Variants in RXRA observed in about 807,000 individuals in gnomAD.
RXRA encodes retinoid X receptor alpha, also known as retinoic acid receptor RXR-alpha.
A neutral mutation model predicts 44.5 loss-of-function variants in RXRA; 5 were observed. The observed-to-expected ratio is 0.11, with a 90% CI of 0.06 to 0.24. The LOEUF (loss-of-function observed/expected upper bound fraction) is 0.24, where lower values mean the gene tolerates loss of function less well. RXRA is among the 10% of genes least tolerant of loss of function. The probability of loss-of-function intolerance (pLI) is 1.00; values close to 1 mark genes in which losing one functional copy is unlikely to be tolerated. For synonymous variants in RXRA, 291 were observed against 271.4 expected (o/e 1.07, Z -0.71); for missense variants, 412 against 646.5 (o/e 0.64, Z 3.93).
chr9:134,389,265 C>T (rs980687668), intron 1 of RXRA, among the ~76,000 whole-genome samples: 1 of 152,202 alleles, frequency 6.6e-6, no homozygotes, highest in Admixed American at 6.5e-5. Flanking sequence ...GCTGGGTTCC[C>T]TGCACACGTG....
At chr9:134,401,106 T>C (rs997654689) in intron 1 of RXRA, among the ~76,000 whole-genome samples, 5 of 152,220 alleles carry the variant, frequency 3.3e-5, no homozygotes, top group Non-Finnish European at 5.9e-5. Context: ...AGAATCATGG[T>C]GCTCACTGCT....
At chr9:134,331,996 G>C (rs2119010224) in intron 1 of RXRA, among the ~76,000 whole-genome samples, 1 of 152,354 alleles carries the variant, frequency 6.6e-6, no homozygotes, top group African/African-American at 2.4e-5. Context: ...GGGGACCCTG[G>C]TGGAGGGCTG....
chr9:134,420,605 A>C (rs984843347), intron 5 of RXRA, among the ~76,000 whole-genome samples: 5 of 152,192 alleles, frequency 3.3e-5, no homozygotes, highest in African/African-American at 9.6e-5. Context: ...GTCTCTGATG[A>C]GCAGATGGTT....
In RXRA at chr9:134,360,578, G is replaced by C. The variant is rs558472313; in HGVS notation, c.28+33919G>C. Among the ~76,000 whole-genome samples the C allele has an allele frequency of 9.2e-5, 14 of 152,386 alleles. No homozygotes were observed. The South Asian group carries it at 2.9e-3, about 32-fold the overall frequency. On this transcript the variant is annotated intron_variant, in intron 1 of 9. Transcript: ENST00000481739. The stretch of plus-strand genomic sequence containing the variant: ...CGGCGCACTTGTGTGCAGGTCGCTC[G>C]CGGTTACCTGCCGCTTGCTGGTCTG...
At chr9:134,430,871 C>T (rs542230540) in intron 7 of RXRA, among the ~76,000 whole-genome samples, 13 of 152,302 alleles carry the variant, frequency 8.5e-5, no homozygotes, top group East Asian at 3.9e-4. Flanking sequence ...GCCTTTTTTG[C>T]GAGTGGAATG....
intron 1 of RXRA, among the ~76,000 whole-genome samples, chr9:134,367,761 C>T (rs1374525805): frequency 6.6e-6 from 1 of 152,162 alleles, no homozygotes. Flanking sequence ...TGGGGGGTGC[C>T]GGGGTGTCTT....
chr9:134,377,573 C>T (rs1464861158), intron 1 of RXRA, among the ~76,000 whole-genome samples: 11 of 152,188 alleles, frequency 7.2e-5, no homozygotes, highest in East Asian at 3.8e-4. Context: ...CCCCAGCTCC[C>T]GCGACCCCTC....
At chr9:134,394,184 GA>G (rs139798441) in intron 1 of RXRA, among the ~76,000 whole-genome samples, 778 of 818 alleles carry the variant, frequency 0.95, 381 homozygotes, top group Middle Eastern at 1. Context: ...TGGTGATGAT[GA>G]CTGATGATGT....
At chr9:134,394,722 C>G (rs1830853233) in intron 1 of RXRA, among the ~76,000 whole-genome samples, 1 of 152,210 alleles carries the variant, frequency 6.6e-6, no homozygotes, top group African/African-American at 2.4e-5. Context: ...ATCACGCCCC[C>G]TCACTACCCT....
chr9:134,423,659 G>A, intron 6 of RXRA: 1 of 985,474 alleles, frequency 1.0e-6, no homozygotes, highest in South Asian at 4.7e-5. Context: ...TTGCCCCTCT[G>A]GGCCTGAGGC....
intron 1 of RXRA, among the ~76,000 whole-genome samples, chr9:134,374,835 C>A (rs951223197): frequency 6.6e-6 from 1 of 152,218 alleles, no homozygotes. Flanking sequence ...CCTTGGAACT[C>A]GGCGCCTGCC....
At chr9:134,392,508 G>A (rs986362268) in intron 1 of RXRA, among the ~76,000 whole-genome samples, 5 of 152,208 alleles carry the variant, frequency 3.3e-5, no homozygotes, top group African/African-American at 9.7e-5. Context: ...GAGCGAGCGT[G>A]GCTGGACAGG....
intron 1 of RXRA, among the ~76,000 whole-genome samples, chr9:134,386,543 A>G (rs1368827001): frequency 6.6e-6 from 1 of 152,168 alleles, no homozygotes; most frequent in Non-Finnish European, 1.5e-5. Context: ...TATGGGGGCC[A>G]GGTCTGGGAC....
chr9:134,393,206 C>T (rs1830826081), intron 1 of RXRA, among the ~76,000 whole-genome samples: 1 of 152,018 alleles, frequency 6.6e-6, no homozygotes, highest in African/African-American at 2.4e-5. Flanking sequence ...GCGACCTGGG[C>T]GCTCTTCTCC....
At position 134,342,108 on chromosome 9, in the gene RXRA, C is replaced by T. The variant is rs375559677; in HGVS notation, c.28+15449C>T. On this transcript the variant is annotated intron_variant, in intron 1 of 9. Transcript: ENST00000481739. This position sits in a 1 kb window ranked among gnomAD's most constrained non-coding sequence, Gnocchi z 4.4. ...GAATGAGGAGGCGTCTCCCTGAAGG[C>T]GCTCTGCTGGGCCCGGGGTGGGGGC... 5.3e-5 allele frequency among the ~76,000 whole-genome samples: 8 copies of T among 152,230 alleles called. No homozygotes were observed. Among genetic ancestry groups the T allele is most frequent in the South Asian group, 4.2e-4 (2 of 4,816 alleles).
intron 1 of RXRA, among the ~76,000 whole-genome samples, chr9:134,376,889 A>AGG (rs1375260526): frequency 6.6e-6 from 1 of 152,118 alleles, no homozygotes; most frequent in African/African-American, 2.4e-5. Flanking sequence ...CGAGTCTCTG[A>AGG]GGGGGTGCAG....
chr9:134,400,849 G>A (rs1394356554), intron 1 of RXRA, among the ~76,000 whole-genome samples: 5 of 152,132 alleles, frequency 3.3e-5, no homozygotes, highest in Non-Finnish European at 7.4e-5. Flanking sequence ...CCAGCCCACC[G>A]CCCACGTGAG....
rs369993354 is a variant in RXRA at position 134,440,091 on chromosome 9, TAAAA to T, written c.*3486_*3489del. 4.1e-5 allele frequency: 6 copies of T among 146,896 alleles called. No homozygotes were observed. The highest frequency in any genetic ancestry group is 9.1e-5 in the Non-Finnish European group (6 of 66,210). The allele number at this position is 146,896 out of a possible 1,614,324, so 9.1% of individuals were successfully genotyped here. On this transcript the variant is annotated 3_prime_UTR_variant, in exon 10 of 10. Transcript: ENST00000481739. ...AAAATGTCTAAAGCATCTGGAAAGG[TAAAA>T]AAAAAAAATCTATTTTTGTACAAAT...
chr9:134,378,163 G>A (rs115043422), intron 1 of RXRA, among the ~76,000 whole-genome samples: 6,355 of 152,326 alleles, frequency 0.042, 461 homozygotes, highest in African/African-American at 0.14. Context: ...GGGGCAGAGG[G>A]CACAGGCAAG....
Sources: gnomAD v4.1 joint callset for allele counts (sites outside exome capture counted in the v4.1 genomes callset) on GRCh38, gnomAD v4.1.1 for gene constraint, Gnocchi (gnomAD v3.1) non-coding constraint, MANE v1.5 for transcripts, NCBI Gene and HGNC (gene_info 2026-07-23, HGNC 2026-07-21) for gene names.